The following CCDC124 variants were observed in gnomAD, a reference collection of about 807,000 sequenced individuals.
The protein encoded by CCDC124 is coiled-coil domain containing 124.
In CCDC124, 9 loss-of-function variants were observed where a neutral mutation model predicts 19.8. That is an observed-to-expected ratio of 0.45 (90% CI 0.27 to 0.79). CCDC124 has a LOEUF of 0.79. Among genes scored for constraint, CCDC124 ranks in the 30% least tolerant of loss-of-function variants. The pLI, the probability that CCDC124 is intolerant of heterozygous loss-of-function variation, is 0.14. For synonymous variants in CCDC124, 126 were observed against 131.3 expected, an observed-to-expected ratio of 0.96 and a Z score of 0.27; for missense variants, 285 against 319.0, an observed-to-expected ratio of 0.89 and a Z score of 0.81.
At chr19:17,934,800 T>C (rs906300496) in intron 1 of CCDC124, among the ~76,000 whole-genome samples, 13 of 151,980 alleles carry the variant, frequency 8.6e-5, no homozygotes, top group Non-Finnish European at 1.9e-4. Context: ...AATAAATAAA[T>C]GTACTCTCAC....
chr19:17,941,258 C>A (rs1239405554), intron 2 of CCDC124, among the ~76,000 whole-genome samples: 1 of 152,026 alleles, frequency 6.6e-6, no homozygotes, highest in Non-Finnish European at 1.5e-5. Context: ...CACCTGTAAT[C>A]CCAGCACTTT....
rs2031200778 is a variant in CCDC124 at position 17,942,259 on chromosome 19, G to A, written c.160-397G>A. Among the ~76,000 whole-genome samples, 2 of 151,952 alleles carry A rather than the reference G, an allele frequency of 1.3e-5. No homozygotes were observed. Among genetic ancestry groups the A allele is most frequent in the Non-Finnish European group, 1.5e-5 (1 of 67,972 alleles). Reference sequence around the variant, plus strand: ...CCCAGAGGCTCCGCATGGCCCAGCCGTCTCCCTCCCGGCCTCTTCCCCCTC... The same window carrying A: ...CCCAGAGGCTCCGCATGGCCCAGCCATCTCCCTCCCGGCCTCTTCCCCCTC... On this transcript the variant is annotated intron_variant, in intron 2 of 4. Coordinates refer to ENST00000445755, the MANE Select transcript of CCDC124 (RefSeq NM_001136203.2). This position sits in a 1 kb window ranked among gnomAD's most constrained non-coding sequence, Gnocchi z 4.2.
At chr19:17,939,520 G>A (rs2031131013) in intron 2 of CCDC124, among the ~76,000 whole-genome samples, 1 of 152,202 alleles carries the variant, frequency 6.6e-6, no homozygotes, top group Non-Finnish European at 1.5e-5. Flanking sequence ...ACTGGGGTTG[G>A]CCCCATCCTC....
intron 2 of CCDC124, among the ~76,000 whole-genome samples, chr19:17,937,640 A>C (rs1442322934): frequency 6.6e-6 from 1 of 152,104 alleles, no homozygotes; most frequent in Non-Finnish European, 1.5e-5. Flanking sequence ...CCAGCCCCAG[A>C]TGTCAGCAGT....
intron 2 of CCDC124, chr19:17,936,808 C>G (rs780212207): frequency 2.4e-4 from 112 of 466,544 alleles, no homozygotes; most frequent in Admixed American, 1.6e-3. Context: ...TGATGAAACC[C>G]TGTCTCTACT....
At chr19:17,937,811 G>A (rs781625798) in intron 2 of CCDC124, among the ~76,000 whole-genome samples, 17 of 152,078 alleles carry the variant, frequency 1.1e-4, no homozygotes, top group Non-Finnish European at 2.2e-4. Flanking sequence ...TCAGTTCACC[G>A]CAACCTTTGC....
At chr19:17,939,277 C>T (rs544824556) in intron 2 of CCDC124, among the ~76,000 whole-genome samples, 1 of 152,142 alleles carries the variant, frequency 6.6e-6, no homozygotes, top group Non-Finnish European at 1.5e-5. Flanking sequence ...CACCTGTAGT[C>T]CCAGCAACTC....
At position 17,943,796 on chromosome 19, in the gene CCDC124, G is replaced by A; in HGVS notation, c.*81G>A. 2 of 1,416,760 alleles carry A rather than the reference G, an allele frequency of 1.4e-6. No individual in the cohort carries two copies. Among genetic ancestry groups the A allele is most frequent in the Non-Finnish European group, 2.0e-6 (2 of 1,025,562 alleles). The allele number at this position is 1,416,760 out of a possible 1,614,324, so 87.8% of individuals were successfully genotyped here. ...CGCCCTTAGGCCAGGTCAGCTGCGA[G>A]GGTCACAGAGCGTTCCGGGGGCCAA... On this transcript the variant is annotated 3_prime_UTR_variant, in exon 5 of 5. Transcript: ENST00000445755.
Position 17,934,603 on chromosome 19 carries a change from T to C in CCDC124, c.-12+1555T>C, listed in dbSNP as rs1000471513. ...GAGTTCAAGGCCAGCCTGGGCAACA[T>C]AGTCAGACCCTGCCTTAAAAAAAAA... On this transcript the variant is annotated intron_variant, in intron 1 of 4. Transcript: ENST00000445755. 1.4e-5 allele frequency among the ~76,000 whole-genome samples: 2 copies of C among 139,574 alleles called. 1 individual carries two copies. The allele number at this position is 139,574 out of a possible 152,430, so 91.6% of individuals were successfully genotyped here. A position where few individuals can be genotyped will look rare whatever the true frequency, so the allele number is the denominator to read the frequency against.
intron 2 of CCDC124, among the ~76,000 whole-genome samples, chr19:17,938,091 G>A (rs1257034393): frequency 6.6e-6 from 1 of 152,224 alleles, no homozygotes. Context: ...TGTAATCTCA[G>A]TACTTTGGGA....
chr19:17,936,530 C>T lies in CCDC124; in HGVS notation c.110C>T (p.Ala37Val). ...AAGAAGCAGAAGGAGCTGGAGGATG[C>T]CTACTGGAAGGACGACGACAAACAC... Reference protein sequence around the residue: ...DAKKQKELEDAYWKDDDKHVM... With the variant: ...DAKKQKELEDVYWKDDDKHVM... Residue 37 changes from alanine (A) to valine (V), a missense_variant, in exon 2 of 5, where the codon GCC becomes GTC. By Grantham distance (64) the Ala-to-Val change is moderately conservative (BLOSUM62 0). Coordinates refer to ENST00000445755, the MANE Select transcript of CCDC124 (RefSeq NM_001136203.2). 1 of 1,613,596 alleles carries T rather than the reference C, an allele frequency of 6.2e-7. No homozygotes were observed. The highest frequency in any genetic ancestry group is 2.2e-5 in the East Asian group (1 of 44,872).
chr19:17,943,241 T>TCGGGGGGGGGCCCCCC lies in CCDC124; in HGVS notation c.350-19_350-18insGGGGGGGGGCCCCCCC. 4 of 736,678 alleles carry TCGGGGGGGGGCCCCCC rather than the reference T, an allele frequency of 5.4e-6. 1 individual carries two copies. The highest frequency in any genetic ancestry group is 9.6e-6 in the Non-Finnish European group (4 of 414,970). The allele number at this position is 736,678 out of a possible 1,614,324, so 45.6% of individuals were successfully genotyped here. On this transcript the variant is annotated intron_variant, in intron 3 of 4. Transcript: ENST00000445755. ...CTTTGCTTATCTCTCTCTGTCTCTG[T>TCGGGGGGGGGCCCCCC]CACCCACCCACCCGCCCAGCCGAGA...
chr19:17,943,423 G>T, intron 4 of CCDC124, 48 bp downstream of exon 4: 1 of 1,548,986 alleles, frequency 6.5e-7, no homozygotes, highest in Admixed American at 1.9e-5. Context: ...GCTGGTCATC[G>T]GGGGCGGGGC....
chr19:17,936,597 C>T lies in CCDC124; in HGVS notation c.159+18C>T. ...AGCGCAAGGTGCGTGCACTCCGAGT[C>T]CCCGCGGCCCGCATGCCTTGTGGCC... is the stretch of plus-strand genomic sequence containing the variant. On this transcript the variant is annotated intron_variant, in intron 2 of 4. Coordinates refer to ENST00000445755, the MANE Select transcript of CCDC124 (RefSeq NM_001136203.2). 8 of 1,603,754 alleles carry T rather than the reference C, an allele frequency of 5.0e-6. No homozygotes were observed. Among genetic ancestry groups the T allele is most frequent in the Non-Finnish European group, 6.8e-6 (8 of 1,174,322 alleles).
chr19:17,937,616 C>T (rs1158530277), intron 2 of CCDC124, among the ~76,000 whole-genome samples: 1 of 152,094 alleles, frequency 6.6e-6, no homozygotes, highest in African/African-American at 2.4e-5. Flanking sequence ...GACGCCCCCA[C>T]AGCAAAGAAT....
chr19:17,939,013 T>C (rs2031118798), intron 2 of CCDC124, among the ~76,000 whole-genome samples: 1 of 151,922 alleles, frequency 6.6e-6, no homozygotes, highest in African/African-American at 2.4e-5. Context: ...TCCATGGAGA[T>C]ATTTATAGTT....
rs1248118466 is a variant in CCDC124, at chr19:17,933,031, C to G, written c.-29C>G. The G allele has an allele frequency of 6.6e-6, 1 of 152,304 alleles. No individual in the cohort carries two copies. The highest frequency in any genetic ancestry group is 2.4e-5 in the African/African-American group (1 of 41,460). 9.4% of individuals were successfully genotyped at this position (152,304 alleles called of 1,614,324 possible). A position where few individuals can be genotyped will look rare whatever the true frequency, so the allele number is the denominator to read the frequency against. ...TGACGTCACGGAGGCGCGACCGGGC[C>G]GGCGCTGGGGTAAGAAGGTAGGAGC... On this transcript the variant is annotated 5_prime_UTR_variant, in exon 1 of 5. Transcript: ENST00000445755.
chr19:17,939,410 TAAAAC>T (rs2031127168), intron 2 of CCDC124, among the ~76,000 whole-genome samples: 1 of 151,534 alleles, frequency 6.6e-6, no homozygotes, highest in Non-Finnish European at 1.5e-5. Flanking sequence ...AATAATAAAA[TAAAAC>T]AAAAAGATCC....
chr19:17,939,200 T>A (rs2031122673), intron 2 of CCDC124, among the ~76,000 whole-genome samples: 1 of 151,948 alleles, frequency 6.6e-6, no homozygotes, highest in African/African-American at 2.4e-5. Flanking sequence ...TTCGAGACCA[T>A]CCTGGCCAAC....
Sources: gnomAD v4.1 joint callset for allele counts (sites outside exome capture counted in the v4.1 genomes callset) on GRCh38, gnomAD v4.1.1 for gene constraint, Gnocchi (gnomAD v3.1) non-coding constraint, MANE v1.5 for transcripts, NCBI Gene and HGNC (gene_info 2026-07-23, HGNC 2026-07-21) for gene names.